The following RNF170 variants were observed in gnomAD, a reference collection of about 807,000 sequenced individuals.
RNF170 encodes ring finger protein 170.
RNF170 carries 12 observed loss-of-function variants against 32.7 expected under a neutral mutation model. That is an observed-to-expected ratio of 0.37 (90% CI 0.24 to 0.60). The LOEUF is 0.60. Among genes scored for constraint, RNF170 ranks in the 20% least tolerant of loss-of-function variants. RNF170 has a pLI of 0.72. For synonymous variants in RNF170, 91 were observed against 103.6 expected (o/e 0.88, Z 0.74); for missense variants, 212 against 311.2 (o/e 0.68, Z 2.40).
chr8:42,858,567 T>C (rs1459149075), intron 6 of RNF170, among the ~76,000 whole-genome samples: 3 of 152,106 alleles, frequency 2.0e-5, no homozygotes, highest in Non-Finnish European at 4.4e-5. Flanking sequence ...TGAACAAGAA[T>C]TGAGTGCTGT....
At chr8:42,864,793 G>GA (rs901930085) in intron 5 of RNF170, among the ~76,000 whole-genome samples, 3 of 1,964 alleles carry the variant, frequency 1.5e-3, no homozygotes, top group African/African-American at 6.9e-3. Context: ...CATTGAGAAG[G>GA]AAAAAAATTT....
downstream of RNF170, chr8:42,850,560 G>A (rs1166372293): frequency 3.5e-6 from 2 of 574,670 alleles, no homozygotes; most frequent in Non-Finnish European, 6.2e-6. Context: ...CAGGCATAAT[G>A]GTACATCTGT....
chr8:42,885,081 T>G (rs1311954432), intron 2 of RNF170, among the ~76,000 whole-genome samples: 1 of 151,504 alleles, frequency 6.6e-6, no homozygotes, highest in Admixed American at 6.6e-5. Flanking sequence ...GCCACCATTC[T>G]GCTCTCTGCT....
chr8:42,897,255 G>T, upstream of RNF170: 3 of 1,114,148 alleles, frequency 2.7e-6, no homozygotes, highest in Non-Finnish European at 3.4e-6. Flanking sequence ...CCCTCCACGC[G>T]CGGCCCGTGG....
intron 5 of RNF170, among the ~76,000 whole-genome samples, chr8:42,863,972 A>C (rs1803874124): frequency 8.9e-6 from 1 of 112,350 alleles, no homozygotes; most frequent in Admixed American, 9.0e-5. Flanking sequence ...AAGGAGAGAG[A>C]GAGAGAGAGT....
intron 2 of RNF170, among the ~76,000 whole-genome samples, chr8:42,881,891 C>T (rs1009538503): frequency 6.6e-6 from 1 of 152,068 alleles, no homozygotes; most frequent in African/African-American, 2.4e-5. Context: ...GCCATAATCA[C>T]GCCACTATAC....
chr8:42,877,969 A>C (rs1034956411), intron 2 of RNF170, among the ~76,000 whole-genome samples: 1 of 152,216 alleles, frequency 6.6e-6, no homozygotes, highest in Non-Finnish European at 1.5e-5. Flanking sequence ...GTGTTGAGCA[A>C]GACTATTGGC....
intron 1 of RNF170, chr8:42,896,128 G>C (rs943096787): frequency 2.8e-5 from 6 of 212,210 alleles, no homozygotes; most frequent in African/African-American, 1.4e-4. Context: ...CAGGCCCGGG[G>C]TCGGCCGGTG....
intron 2 of RNF170, among the ~76,000 whole-genome samples, chr8:42,875,199 G>C (rs897589156): frequency 6.6e-6 from 1 of 151,612 alleles, no homozygotes; most frequent in Non-Finnish European, 1.5e-5. Context: ...AAGATGTGTT[G>C]GTCAGGCTGG....
intron 3 of RNF170, among the ~76,000 whole-genome samples, chr8:42,871,150 C>A (rs1804494893): frequency 6.6e-6 from 1 of 151,658 alleles, no homozygotes; most frequent in Non-Finnish European, 1.5e-5. Flanking sequence ...GTAAAGACTG[C>A]AATGAGCCGA....
chr8:42,854,031 A>T lies in RNF170; in HGVS notation c.*2128T>A, dbSNP rs1185796700. On this transcript the variant is annotated 3_prime_UTR_variant, in exon 7 of 7. Coordinates refer to ENST00000527424, the MANE Select transcript of RNF170 (RefSeq NM_030954.4). ...CAAATGTGTAATTGGTAGGAAATGCATTTCCAGTCTGGTACATGGCAGTGT... is the reference window on the plus strand; with the variant it reads ...CAAATGTGTAATTGGTAGGAAATGCTTTTCCAGTCTGGTACATGGCAGTGT... 1 of 1,287,102 alleles carries T rather than the reference A, an allele frequency of 7.8e-7. No individual in the cohort carries two copies. The highest frequency in any genetic ancestry group is 5.5e-5 in the East Asian group (1 of 18,038). The allele number at this position is 1,287,102 out of a possible 1,614,324, so 79.7% of individuals were successfully genotyped here.
At chr8:42,897,003 A>G (rs1806990129), upstream of RNF170, 2 of 570,592 alleles carry the variant, frequency 3.5e-6, no homozygotes, top group Admixed American at 8.8e-5. Flanking sequence ...GCTGGGCGAG[A>G]GTCGGCGGCC....
rs201824916 is a variant in RNF170, at chr8:42,890,277, C to CT, written c.-7-2407dup. Among the ~76,000 whole-genome samples the CT allele has an allele frequency of 1.1e-3, 148 of 138,044 alleles. 1 individual carries two copies. The South Asian group carries it at 0.011, about 11-fold the overall frequency. 90.6% of individuals were successfully genotyped at this position (138,044 alleles called of 152,430 possible). A position where few individuals can be genotyped will look rare whatever the true frequency, so the allele number is the denominator to read the frequency against. Reference sequence around the variant, plus strand: ...ATTATATTCTTTTTTTTTTTTGAGACTTTTTTTTTTCTTTTTTTGAGACGG... The same window carrying CT: ...ATTATATTCTTTTTTTTTTTTGAGACTTTTTTTTTTTCTTTTTTTGAGACGG... On this transcript the variant is annotated intron_variant, in intron 1 of 6. Coordinates refer to ENST00000527424, the MANE Select transcript of RNF170 (RefSeq NM_030954.4).
At chr8:42,872,506 A>C (rs1804596994) in intron 3 of RNF170, among the ~76,000 whole-genome samples, 1 of 152,082 alleles carries the variant, frequency 6.6e-6, no homozygotes, top group Non-Finnish European at 1.5e-5. Flanking sequence ...GCAGTGGCGC[A>C]ATCTCAGCTC....
chr8:42,897,127 G>C, upstream of RNF170: 1 of 1,246,228 alleles, frequency 8.0e-7, no homozygotes, highest in Non-Finnish European at 1.0e-6. Context: ...GCCGCGGCGG[G>C]GAAGATGTTC....
At chr8:42,884,170 T>C (rs1003058210) in intron 2 of RNF170, among the ~76,000 whole-genome samples, 4 of 152,028 alleles carry the variant, frequency 2.6e-5, no homozygotes, top group African/African-American at 9.7e-5. Context: ...AACCTCTGCC[T>C]CCCAGGTTCA....
At chr8:42,851,035 T>A, downstream of RNF170, 4 of 1,548,294 alleles carry the variant, frequency 2.6e-6, no homozygotes, top group South Asian at 4.8e-5. Context: ...TAAAAATGTT[T>A]GTTAGATCAT....
intron 2 of RNF170, among the ~76,000 whole-genome samples, chr8:42,877,007 G>GC (rs1804998829): frequency 2.0e-5 from 3 of 148,742 alleles, no homozygotes; most frequent in Admixed American, 6.8e-5. Context: ...AGGCTGGGGT[G>GC]CAGTGGCGCC....
At chr8:42,850,085 G>C (rs958590133), downstream of RNF170, 5 of 153,668 alleles carry the variant, frequency 3.3e-5, no homozygotes, top group Admixed American at 1.3e-4. Context: ...CCCGGCGGAG[G>C]AGCCTAGCAG....
Sources: allele counts gnomAD v4.1 joint callset (sites outside exome capture counted in the v4.1 genomes callset), GRCh38; gene constraint gnomAD v4.1.1; transcripts MANE v1.5; gene names NCBI Gene and HGNC (gene_info 2026-07-23, HGNC 2026-07-21).